UBE2C: variants seen among roughly 807,000 people sequenced by gnomAD.
UBE2C encodes the protein ubiquitin-conjugating enzyme E2 C.
Under a neutral mutation model 23.5 loss-of-function variants are expected in UBE2C, and 16 were observed. The observed-to-expected ratio is 0.68, with a 90% CI of 0.46 to 1.03. UBE2C has a LOEUF of 1.03. Ranked by LOEUF, UBE2C falls within the 50% of genes least tolerant of loss-of-function variation. UBE2C has a pLI of 0.00. For missense variants in UBE2C, 192 were observed against 227.6 expected (o/e 0.84, Z 1.01); for synonymous variants, 76 against 91.6 (o/e 0.83, Z 0.97).
Position 45,816,844 on chromosome 20 carries a change from A to G in UBE2C, c.*77A>G. On this transcript the variant is annotated 3_prime_UTR_variant, in exon 6 of 6. Transcript: ENST00000356455. ...GGTCTGTCCTTTTTGTGATTTCTGT[A>G]TAGGACTCTTTATCTTGAGCTGTGG... is the stretch of plus-strand genomic sequence containing the variant. The G allele has an allele frequency of 4.7e-6, 6 of 1,275,838 alleles. No homozygotes were observed. The highest frequency in any genetic ancestry group is 1.9e-4 in the Middle Eastern group (1 of 5,244). 79.0% of individuals were successfully genotyped at this position (1,275,838 alleles called of 1,614,324 possible). A position where few individuals can be genotyped will look rare whatever the true frequency, so the allele number is the denominator to read the frequency against.
At chr20:45,815,027 C>T (rs1002095034) in intron 3 of UBE2C, among the ~76,000 whole-genome samples, 2 of 151,338 alleles carry the variant, frequency 1.3e-5, no homozygotes, top group Non-Finnish European at 3.0e-5. Flanking sequence ...TTAGTAGAGA[C>T]GGGGTTTCAC....
intron 2 of UBE2C, among the ~76,000 whole-genome samples, 154 bp downstream of exon 2, chr20:45,813,618 A>C (rs1298215857): frequency 6.6e-6 from 1 of 152,070 alleles, no homozygotes; most frequent in Non-Finnish European, 1.5e-5. Context: ...TTCTTCCAGC[A>C]GTCCCTCCTC....
At chr20:45,814,784 A>T (rs1982326708) in intron 3 of UBE2C, among the ~76,000 whole-genome samples, 1 of 152,192 alleles carries the variant, frequency 6.6e-6, no homozygotes, top group Non-Finnish European at 1.5e-5. Context: ...ATGAGTCAGA[A>T]GTCCAAATCT....
At chr20:45,814,325 T>A in intron 2 of UBE2C, 59 bp from the exon 3 acceptor site, 1 of 1,201,132 alleles carries the variant, frequency 8.3e-7, no homozygotes, top group South Asian at 1.4e-5. Context: ...GCTCACCCAC[T>A]GACCTTTGCT....
intron 3 of UBE2C, chr20:45,815,332 A>C (rs1674670884): frequency 6.5e-7 from 1 of 1,530,236 alleles, no homozygotes; most frequent in Non-Finnish European, 8.8e-7. Context: ...TGGCCTGGGC[A>C]ACATGGTGAA....
Position 45,815,622 on chromosome 20 carries a change from A to G in UBE2C, c.298A>G (p.Thr100Ala), listed in dbSNP as rs1198408107. Residue 100 changes from threonine to alanine, a missense_variant, in exon 4 of 6, where the codon ACG (threonine) becomes GCG (alanine). Physicochemically the swap from Thr to Ala is moderately conservative, Grantham distance 58. Coordinates refer to ENST00000356455, the MANE Select transcript of UBE2C (RefSeq NM_007019.4). ...PYNAPTVKFL[T>A]PCYHPNVDTQ... ...CAATGCGCCCACAGTGAAGTTCCTC[A>G]CGCCCTGCTATCACCCCAACGTGGA... 12 of 1,614,020 alleles carry G rather than the reference A, an allele frequency of 7.4e-6. No homozygotes were observed. Among genetic ancestry groups the G allele is most frequent in the Non-Finnish European group, 1.0e-5 (12 of 1,179,990 alleles).
rs751722028 is a variant in UBE2C, at chr20:45,815,576, G to A, written c.252G>A (p.Glu84=). ...YEDLRYKLSL[E]FPSGYPYNAP... Reference sequence around the variant, plus strand: ...ACCTGAGGTATAAGCTCTCGCTAGAGTTCCCCAGTGGCTACCCTTACAATG... The same window carrying A: ...ACCTGAGGTATAAGCTCTCGCTAGAATTCCCCAGTGGCTACCCTTACAATG... Residue 84 remains glutamate (E), a synonymous_variant, in exon 4 of 6, where the codon GAG becomes GAA. Coordinates refer to ENST00000356455, the MANE Select transcript of UBE2C (RefSeq NM_007019.4). 6.2e-7 allele frequency: 1 copy of A among 1,613,910 alleles called. No homozygotes were observed. Among genetic ancestry groups the A allele is most frequent in the South Asian group, 1.1e-5 (1 of 91,078 alleles).
At chr20:45,813,820 G>A (rs1009524346) in intron 2 of UBE2C, among the ~76,000 whole-genome samples, 2 of 152,096 alleles carry the variant, frequency 1.3e-5, no homozygotes, top group African/African-American at 2.4e-5. Flanking sequence ...AGATTAAGGG[G>A]AGGCTGGGCG....
rs3080100 is a variant in UBE2C, at chr20:45,814,148, A to C, written c.130-236A>C. Among the ~76,000 whole-genome samples, 73,427 of 128,752 alleles carry C rather than the reference A, an allele frequency of 0.57. 20,353 individuals are homozygous for C. Among genetic ancestry groups the C allele is most frequent in the Non-Finnish European group, 0.65 (42,017 of 64,474 alleles). The allele number at this position is 128,752 out of a possible 152,430, so 84.5% of individuals were successfully genotyped here. A position where few individuals can be genotyped will look rare whatever the true frequency, so the allele number is the denominator to read the frequency against. On this transcript the variant is annotated intron_variant, in intron 2 of 5. Transcript: ENST00000356455. ...TCTCAATCTCTCTCTCTCTCTCTCT[A>C]TATATATATATATGTAAATATATAT...
intron 5 of UBE2C, 88 bp downstream of exon 5, chr20:45,816,001 C>A: frequency 6.7e-7 from 1 of 1,498,058 alleles, no homozygotes; most frequent in Admixed American, 1.9e-5. Context: ...GACTTGGGAC[C>A]GGGTTGGTTG....
chr20:45,813,022 T>TG (rs1982073711), intron 1 of UBE2C: 3 of 1,425,384 alleles, frequency 2.1e-6, no homozygotes, highest in Non-Finnish European at 1.8e-6. Context: ...ATTCGAGAGA[T>TG]GGGGGACAGG....
intron 2 of UBE2C, among the ~76,000 whole-genome samples, chr20:45,813,750 C>G (rs190880565): frequency 2.0e-4 from 31 of 152,094 alleles, no homozygotes; most frequent in Admixed American, 2.0e-3. Context: ...CCCAACTCCC[C>G]GCCCTTCTTG....
Position 45,815,442 on chromosome 20 carries a change from G to A in UBE2C, c.217-99G>A, listed in dbSNP as rs377514203. ...ACAGTTTGTCTACTGTCCGGTCCCA[G>A]AGAAACTCAAGATTCTAGCAAGCCC... On this transcript the variant is annotated intron_variant, in intron 3 of 5. Coordinates refer to ENST00000356455, the MANE Select transcript of UBE2C (RefSeq NM_007019.4). The A allele has an allele frequency of 2.9e-5, 47 of 1,614,114 alleles. No individual in the cohort carries two copies. The African/African-American group carries it at 5.5e-4, about 19-fold the overall frequency.
intron 5 of UBE2C, among the ~76,000 whole-genome samples, chr20:45,816,164 T>C (rs1443577350): frequency 6.6e-6 from 1 of 152,232 alleles, no homozygotes; most frequent in Non-Finnish European, 1.5e-5. Flanking sequence ...GGAGGATAGC[T>C]TGAGGCCAGG....
In UBE2C at chr20:45,816,904, C is replaced by T. The variant is rs1471415226; in HGVS notation, c.*137C>T. 8 of 682,444 alleles carry T rather than the reference C, an allele frequency of 1.2e-5. No homozygotes were observed. The East Asian group carries it at 2.4e-4, about 21-fold the overall frequency. The allele number at this position is 682,444 out of a possible 1,614,324, so 42.3% of individuals were successfully genotyped here. A position where few individuals can be genotyped will look rare whatever the true frequency, so the allele number is the denominator to read the frequency against. ...TTTGTTTTTGTCTTTTAAATTAAGCCTCGGTTGAGCCCTTGTATATTAAAT... is the reference window on the plus strand; with the variant it reads ...TTTGTTTTTGTCTTTTAAATTAAGCTTCGGTTGAGCCCTTGTATATTAAAT... On this transcript the variant is annotated 3_prime_UTR_variant, in exon 6 of 6. Transcript: ENST00000356455.
chr20:45,814,301 AAATTAAG>A (rs1982273393), intron 2 of UBE2C, 76 bp from the exon 3 acceptor site: 2 of 469,698 alleles, frequency 4.3e-6, no homozygotes, highest in Admixed American at 3.7e-5. Context: ...TATATATATA[AAATTAAG>A]GGGAAAGCTC....
chr20:45,815,902 A>G lies in UBE2C; in HGVS notation c.470A>G (p.Lys157Arg), dbSNP rs770303252. Residue 157 changes from lysine (K) to arginine (R), a missense_variant, in exon 5 of 6, where the codon AAA becomes AGA. By Grantham distance (26) the Lys-to-Arg change is conservative. Transcript: ENST00000356455. ...AACACACATGCTGCCGAGCTCTGGA[A>G]AAACCCCACAGGTGAGTCCTCAGTC... ...PLNTHAAELW[K>R]NPTAFKKYLQ... 1.9e-6 allele frequency: 3 copies of G among 1,614,022 alleles called. No homozygotes were observed. Among genetic ancestry groups the G allele is most frequent in the Admixed American group, 1.7e-5 (1 of 60,006 alleles).
chr20:45,816,320 T>C (rs934981652), intron 5 of UBE2C, among the ~76,000 whole-genome samples: 10 of 152,160 alleles, frequency 6.6e-5, no homozygotes, highest in Non-Finnish European at 1.0e-4. Context: ...GCATCCCTGG[T>C]CCAGCTGCCT....
At chr20:45,816,478 A>G (rs570612286) in intron 5 of UBE2C, among the ~76,000 whole-genome samples, 8 of 152,300 alleles carry the variant, frequency 5.3e-5, no homozygotes, top group African/African-American at 1.9e-4. Context: ...TCTACTAAAT[A>G]CAAAAAAAAT....
Sources: gnomAD v4.1 joint callset for allele counts (sites outside exome capture counted in the v4.1 genomes callset) on GRCh38, gnomAD v4.1.1 for gene constraint, MANE v1.5 for transcripts, NCBI Gene and HGNC (gene_info 2026-07-23, HGNC 2026-07-21) for gene names.